The following RBFOX3 variants were observed in gnomAD, a reference collection of about 807,000 sequenced individuals.
RBFOX3 encodes the protein RNA binding protein fox-1 homolog 3.
RBFOX3 carries 17 observed loss-of-function variants against 48.7 expected under a neutral mutation model. The observed-to-expected ratio is 0.35, with a 90% CI of 0.24 to 0.52. The LOEUF is 0.52. RBFOX3 is among the 20% of genes least tolerant of loss of function. The pLI is 0.94. For synonymous variants in RBFOX3, 212 were observed against 209.5 expected, an observed-to-expected ratio of 1.01 and a Z score of -0.10; for missense variants, 382 against 497.5, an observed-to-expected ratio of 0.77 and a Z score of 2.21.
chr17:79,193,332 T>C (rs2054901426), intron 4 of RBFOX3, among the ~76,000 whole-genome samples: 1 of 152,206 alleles, frequency 6.6e-6, no homozygotes, highest in Non-Finnish European at 1.5e-5. Flanking sequence ...CATTCTCATT[T>C]AAGAGCAGGA....
At chr17:79,414,924 C>A (rs1568208989) in intron 2 of RBFOX3, among the ~76,000 whole-genome samples, 1 of 152,234 alleles carries the variant, frequency 6.6e-6, no homozygotes, top group Admixed American at 6.5e-5. Context: ...GCGGGAGGGG[C>A]CGTCGCAGTC....
intron 2 of RBFOX3, among the ~76,000 whole-genome samples, chr17:79,359,042 T>C (rs1045395992): frequency 4.6e-5 from 7 of 152,232 alleles, no homozygotes; most frequent in African/African-American, 1.4e-4. Flanking sequence ...GAAACTTCCA[T>C]GGGTGGGTTT....
chr17:79,623,329 A>G, the RBFOX3 span, among the ~76,000 whole-genome samples: 1 of 152,198 alleles, frequency 6.6e-6, no homozygotes, highest in Non-Finnish European at 1.5e-5. Flanking sequence ...GAGATACCCC[A>G]CAGGAGGGAG....
intron 1 of RBFOX3, among the ~76,000 whole-genome samples, chr17:79,574,931 C>G (rs1268600209): frequency 6.6e-6 from 1 of 152,196 alleles, no homozygotes; most frequent in Non-Finnish European, 1.5e-5. Flanking sequence ...CTGGGCCAGG[C>G]CTGAGTTTGC....
At chr17:79,615,958 C>T (rs2093992246), upstream of RBFOX3, among the ~76,000 whole-genome samples, 1 of 152,186 alleles carries the variant, frequency 6.6e-6, no homozygotes, top group Non-Finnish European at 1.5e-5. Context: ...CAAATCATCA[C>T]AGACAGAAAG....
chr17:79,148,520 A>T (rs1470810755), intron 4 of RBFOX3, among the ~76,000 whole-genome samples: 1 of 152,116 alleles, frequency 6.6e-6, no homozygotes, highest in Admixed American at 6.5e-5. Flanking sequence ...CATGGTTCCA[A>T]TCCTGCCTCT....
rs1268245244 is a variant in RBFOX3, at chr17:79,481,969, G to A, written c.-175+485C>T. Among the ~76,000 whole-genome samples the A allele has an allele frequency of 2.0e-5, 3 of 152,156 alleles. No individual in the cohort carries two copies. Among genetic ancestry groups the A allele is most frequent in the Non-Finnish European group, 4.4e-5 (3 of 68,036 alleles). ...GCTGACTCCGGCGGTTAGTGTCAGA[G>A]CTGAACGGCAGTCACCCTCTCGGGG... On this transcript the variant is annotated intron_variant, in intron 2 of 14. Transcript: ENST00000693108. The surrounding 1 kb of genome is among the most constrained non-coding windows in gnomAD (Gnocchi z 5.4).
At chr17:79,308,633 G>C (rs948539583) in intron 2 of RBFOX3, among the ~76,000 whole-genome samples, 6 of 152,122 alleles carry the variant, frequency 3.9e-5, no homozygotes, top group Non-Finnish European at 8.8e-5. Context: ...GTATTTGAAG[G>C]TGGGGCCTTT....
intron 4 of RBFOX3, among the ~76,000 whole-genome samples, chr17:79,166,284 C>T (rs182284952): frequency 0.012 from 1,761 of 152,272 alleles, 18 homozygotes; most frequent in Non-Finnish European, 0.019. Flanking sequence ...GGGAGGGGAG[C>T]CTTGGCAGGA....
At chr17:79,655,207 G>A in the RBFOX3 span, among the ~76,000 whole-genome samples, 7 of 152,286 alleles carry the variant, frequency 4.6e-5, no homozygotes, top group South Asian at 2.1e-4. Flanking sequence ...GGACCAGCAC[G>A]AAGAGGGCAC....
intron 8 of RBFOX3, among the ~76,000 whole-genome samples, chr17:79,102,828 G>A (rs114257314): frequency 4.6e-5 from 7 of 152,354 alleles, no homozygotes; most frequent in Non-Finnish European, 8.8e-5. Flanking sequence ...CTCCTTGGCC[G>A]GGTGGGCTGG....
At chr17:79,663,539 A>G in the RBFOX3 span, among the ~76,000 whole-genome samples, 5 of 152,204 alleles carry the variant, frequency 3.3e-5, no homozygotes, top group Non-Finnish European at 7.3e-5. Flanking sequence ...AAGATTCTGC[A>G]GACACCTTGT....
chr17:79,256,070 G>A (rs1314043992), intron 3 of RBFOX3, among the ~76,000 whole-genome samples: 15 of 151,790 alleles, frequency 9.9e-5, no homozygotes, highest in South Asian at 2.1e-4. Context: ...TGGTGCGGAC[G>A]GGAGGGGCTG....
At chr17:79,537,819 A>C (rs1237484937) in intron 1 of RBFOX3, among the ~76,000 whole-genome samples, 1 of 152,126 alleles carries the variant, frequency 6.6e-6, no homozygotes, top group East Asian at 1.9e-4. Context: ...GGCCAGCCCC[A>C]GGTGGTCACT....
intron 1 of RBFOX3, among the ~76,000 whole-genome samples, chr17:79,555,491 CAGT>C (rs1270973902): frequency 4.5e-5 from 4 of 88,252 alleles, no homozygotes; most frequent in African/African-American, 2.1e-4. Flanking sequence ...GTGGTGATGA[CAGT>C]GGTGGTGGTG....
intron 4 of RBFOX3, among the ~76,000 whole-genome samples, chr17:79,146,572 T>C (rs2043079797): frequency 6.6e-6 from 1 of 152,206 alleles, no homozygotes; most frequent in Admixed American, 6.5e-5. Context: ...GCAAAGCCAG[T>C]CGGTTCCCAG....
chr17:79,542,794 A>AT lies in RBFOX3; in HGVS notation c.-319-60197dup, dbSNP rs1313779617. On this transcript the variant is annotated intron_variant, in intron 1 of 14. Transcript: ENST00000693108. ...CGGGACTCCATCTCAAAATAAAAGG[A>AT]TTTTTTTTTACAAAACAAAAGAAAT... Among the ~76,000 whole-genome samples the AT allele has an allele frequency of 2.4e-4, 37 of 151,860 alleles. No homozygotes were observed. In the East Asian group the frequency reaches 4.1e-3, roughly 17 times the overall value.
At chr17:79,574,330 A>C (rs1220608825) in intron 1 of RBFOX3, among the ~76,000 whole-genome samples, 1 of 152,196 alleles carries the variant, frequency 6.6e-6, no homozygotes, top group Non-Finnish European at 1.5e-5. Context: ...CAAGTGATAC[A>C]GGTCACAAAG....
At chr17:79,279,815 A>G (rs1166196108) in intron 3 of RBFOX3, among the ~76,000 whole-genome samples, 1 of 152,134 alleles carries the variant, frequency 6.6e-6, no homozygotes, top group Non-Finnish European at 1.5e-5. Flanking sequence ...AAGGGGATGC[A>G]GGTTAGTGTT....
Sources: allele counts gnomAD v4.1 joint callset (sites outside exome capture counted in the v4.1 genomes callset), GRCh38; gene constraint gnomAD v4.1.1; non-coding constraint Gnocchi (gnomAD v3.1); transcripts MANE v1.5; gene names NCBI Gene and HGNC (gene_info 2026-07-23, HGNC 2026-07-21).